Variants in MLLT3 observed in about 807,000 individuals in gnomAD.
The protein encoded by MLLT3 is protein AF-9.
MLLT3 carries 4 observed loss-of-function variants against 53.2 expected under a neutral mutation model. That is an observed-to-expected ratio of 0.08 (90% CI 0.04 to 0.17). The LOEUF (loss-of-function observed/expected upper bound fraction) is 0.17, where lower values mean the gene tolerates loss of function less well. MLLT3 is among the 10% of genes least tolerant of loss of function. The probability of loss-of-function intolerance (pLI) is 1.00; values close to 1 mark genes in which losing one functional copy is unlikely to be tolerated. For missense variants in MLLT3, 569 were observed against 684.0 expected (o/e 0.83, Z 1.87); for synonymous variants, 283 against 230.6 (o/e 1.23, Z -2.06).
At chr9:20,553,939 A>T (rs1251513019) in intron 2 of MLLT3, among the ~76,000 whole-genome samples, 1 of 152,182 alleles carries the variant, frequency 6.6e-6, no homozygotes, top group Non-Finnish European at 1.5e-5. Flanking sequence ...TTCACATACT[A>T]AAATCACAAA....
At chr9:20,597,024 CTAAG>C (rs1820289697) in intron 2 of MLLT3, among the ~76,000 whole-genome samples, 1 of 152,048 alleles carries the variant, frequency 6.6e-6, no homozygotes, top group Non-Finnish European at 1.5e-5. Flanking sequence ...AAATGTGTTC[CTAAG>C]TATTTTACTC....
chr9:20,342,546 T>A lies in MLLT3; in HGVS notation c.*3897A>T, dbSNP rs1218557576. 1 of 221,554 alleles carries A rather than the reference T, an allele frequency of 4.5e-6. No individual in the cohort carries two copies. The highest frequency in any genetic ancestry group is 9.0e-6 in the Non-Finnish European group (1 of 110,786). The allele number at this position is 221,554 out of a possible 1,614,324, so 13.7% of individuals were successfully genotyped here. On this transcript the variant is annotated 3_prime_UTR_variant, in exon 11 of 11. Transcript: ENST00000380338. ...TATTTTCAGAATACTGGAGTACAAG[T>A]GCCAAAATACACATTTACAGTTTAC...
chr9:20,529,855 A>G (rs940815231), intron 2 of MLLT3, among the ~76,000 whole-genome samples: 1 of 149,674 alleles, frequency 6.7e-6, no homozygotes, highest in Non-Finnish European at 1.5e-5. Context: ...GAGCCATGGC[A>G]TCCCACTGTA....
At chr9:20,384,425 CA>C (rs1821979455) in intron 5 of MLLT3, among the ~76,000 whole-genome samples, 1 of 152,014 alleles carries the variant, frequency 6.6e-6, no homozygotes, top group Admixed American at 6.6e-5. Context: ...ACTACATATA[CA>C]CAGTTCCTGC....
chr9:20,602,810 CAT>C (rs1820462547), intron 2 of MLLT3, among the ~76,000 whole-genome samples: 1 of 150,234 alleles, frequency 6.7e-6, no homozygotes, highest in Admixed American at 6.7e-5. Context: ...CATATGCACA[CAT>C]ATATTTATTT....
chr9:20,556,277 T>C (rs913540579), intron 2 of MLLT3, among the ~76,000 whole-genome samples: 8 of 152,354 alleles, frequency 5.3e-5, no homozygotes, highest in African/African-American at 1.7e-4. Context: ...TAAATAATCC[T>C]TGAGGCATAG....
At chr9:20,346,691 G>A in intron 10 of MLLT3, 117 bp from the exon 11 acceptor site, 1 of 962,830 alleles carries the variant, frequency 1.0e-6, no homozygotes. Flanking sequence ...CGTATTTATA[G>A]CAACAAGGTC....
chr9:20,435,210 T>C (rs565406416), intron 4 of MLLT3, among the ~76,000 whole-genome samples: 1 of 152,138 alleles, frequency 6.6e-6, no homozygotes, highest in Non-Finnish European at 1.5e-5. Context: ...TTTGTTTTCC[T>C]TCTTTCTTTC....
At chr9:20,374,846 G>A (rs1821714645) in intron 5 of MLLT3, among the ~76,000 whole-genome samples, 1 of 152,176 alleles carries the variant, frequency 6.6e-6, no homozygotes, top group Admixed American at 6.5e-5. Context: ...AAATTCACAT[G>A]TTGAAGCCTT....
chr9:20,455,161 C>T (rs1265157846), intron 3 of MLLT3, among the ~76,000 whole-genome samples: 5 of 152,158 alleles, frequency 3.3e-5, no homozygotes, highest in African/African-American at 4.8e-5. Context: ...AAATACATCT[C>T]GACAAATTTG....
At chr9:20,465,946 C>T (rs1366129735) in intron 2 of MLLT3, among the ~76,000 whole-genome samples, 2 of 152,074 alleles carry the variant, frequency 1.3e-5, no homozygotes, top group African/African-American at 4.8e-5. Flanking sequence ...CTTCAAGAAA[C>T]CAGGGAAAAT....
intron 2 of MLLT3, among the ~76,000 whole-genome samples, chr9:20,540,503 G>A (rs534684551): frequency 6.6e-6 from 1 of 152,308 alleles, no homozygotes; most frequent in East Asian, 1.9e-4. Context: ...CCATGGCTTG[G>A]GGCTTGAACC....
intron 2 of MLLT3, among the ~76,000 whole-genome samples, chr9:20,525,126 T>TAAAAAAAAAAAAAA (rs757232208): frequency 3.6e-5 from 2 of 56,118 alleles, no homozygotes; most frequent in Admixed American, 1.9e-4. Flanking sequence ...GAAGAAAGAC[T>TAAAAAAAAAAAAAA]AAAAAAAAAA....
intron 2 of MLLT3, among the ~76,000 whole-genome samples, chr9:20,478,813 G>GA (rs1329615499): frequency 2.0e-5 from 3 of 152,082 alleles, no homozygotes; most frequent in African/African-American, 7.2e-5. Context: ...CCATGTATAA[G>GA]AAATCACCTG....
chr9:20,520,099 C>T (rs1041483404), intron 2 of MLLT3, among the ~76,000 whole-genome samples: 1 of 152,190 alleles, frequency 6.6e-6, no homozygotes, highest in South Asian at 2.1e-4. Flanking sequence ...AACACAGGAA[C>T]AGAAAGCCAA....
chr9:20,504,058 G>C (rs1412579939), intron 2 of MLLT3, among the ~76,000 whole-genome samples: 1 of 152,064 alleles, frequency 6.6e-6, no homozygotes, highest in Non-Finnish European at 1.5e-5. Context: ...ATAGATTTTT[G>C]CAAGGATATA....
chr9:20,492,466 A>G (rs184647169), intron 2 of MLLT3, among the ~76,000 whole-genome samples: 1 of 152,140 alleles, frequency 6.6e-6, no homozygotes, highest in East Asian at 1.9e-4. Context: ...CAAGTGTTAC[A>G]GTTTAAAATG....
At chr9:20,404,529 C>T (rs771623910) in intron 5 of MLLT3, among the ~76,000 whole-genome samples, 1 of 152,072 alleles carries the variant, frequency 6.6e-6, no homozygotes, top group Admixed American at 6.6e-5. Context: ...GATTTTGAAA[C>T]GGTCTCACTA....
At chr9:20,537,164 ATAT>A (rs1200205861) in intron 2 of MLLT3, among the ~76,000 whole-genome samples, 1 of 152,226 alleles carries the variant, frequency 6.6e-6, no homozygotes, top group African/African-American at 2.4e-5. Context: ...GATATTTAAA[ATAT>A]TATACATTCT....
Sources: allele counts gnomAD v4.1 joint callset (sites outside exome capture counted in the v4.1 genomes callset), GRCh38; gene constraint gnomAD v4.1.1; transcripts MANE v1.5; gene names NCBI Gene and HGNC (gene_info 2026-07-23, HGNC 2026-07-21).